Variants in CCDC38 observed in about 807,000 individuals in gnomAD.
CCDC38 encodes the protein coiled-coil domain containing 38.
A neutral mutation model predicts 72.8 loss-of-function variants in CCDC38; 69 were observed. The ratio of observed to expected loss-of-function variants is 0.95; its 90% CI spans 0.78 to 1.16. The LOEUF is 1.16. Among genes scored for constraint, CCDC38 ranks in the 50% most tolerant of loss-of-function variants. The pLI is 0.00. For synonymous variants in CCDC38, 201 were observed against 213.2 expected (o/e 0.94, Z 0.50); for missense variants, 626 against 638.9 (o/e 0.98, Z 0.22).
At chr12:95,927,227 T>C (rs906003143) in intron 2 of CCDC38, among the ~76,000 whole-genome samples, 2 of 149,556 alleles carry the variant, frequency 1.3e-5, no homozygotes, top group African/African-American at 4.9e-5. Context: ...TGGGTGCTCC[T>C]GTATTGGGTG....
At chr12:95,937,687 A>G (rs1404481566) in intron 1 of CCDC38, among the ~76,000 whole-genome samples, 1 of 152,182 alleles carries the variant, frequency 6.6e-6, no homozygotes, top group East Asian at 1.9e-4. Context: ...ATATCCCGGA[A>G]GCAGAGCAGC....
chr12:95,873,515 C>G (rs2079603883), intron 13 of CCDC38, among the ~76,000 whole-genome samples: 1 of 152,194 alleles, frequency 6.6e-6, no homozygotes, highest in Non-Finnish European at 1.5e-5. Flanking sequence ...TGCCGTTTAA[C>G]TGTTGGTGGA....
At chr12:95,915,412 G>T (rs958146444) in intron 4 of CCDC38, among the ~76,000 whole-genome samples, 15 of 152,144 alleles carry the variant, frequency 9.9e-5, no homozygotes, top group African/African-American at 3.4e-4. Flanking sequence ...CCAGAGTCAG[G>T]CTGCTCGCTG....
chr12:95,892,656 G>A (rs991293760), intron 8 of CCDC38, among the ~76,000 whole-genome samples: 13 of 145,910 alleles, frequency 8.9e-5, no homozygotes, highest in Admixed American at 7.7e-4. Context: ...TGCAACCTCC[G>A]CCTCCCAGGT....
At chr12:95,870,239 C>A (rs1463508429) in intron 14 of CCDC38, among the ~76,000 whole-genome samples, 1 of 152,132 alleles carries the variant, frequency 6.6e-6, no homozygotes, top group Non-Finnish European at 1.5e-5. Context: ...CAAAAGTGTA[C>A]CTTCCAGTTA....
At position 95,907,485 on chromosome 12, in the gene CCDC38, G is replaced by C. The variant is rs1205197598; in HGVS notation, c.305-1034C>G. On this transcript the variant is annotated intron_variant, in intron 4 of 15. Coordinates refer to ENST00000344280, the MANE Select transcript of CCDC38 (RefSeq NM_182496.3). ...CCCCACCTCCCTCCCGGATGGGGCGGCTGGCCGGGCAGAGGGGCTCCTCAC... is the reference window on the plus strand; with the variant it reads ...CCCCACCTCCCTCCCGGATGGGGCGCCTGGCCGGGCAGAGGGGCTCCTCAC... 1.4e-3 allele frequency among the ~76,000 whole-genome samples: 162 copies of C among 115,538 alleles called. 11 individuals carry two copies. The highest frequency in any genetic ancestry group is 1.9e-3 in the Non-Finnish European group (110 of 57,626). 75.8% of individuals were successfully genotyped at this position (115,538 alleles called of 152,430 possible).
intron 13 of CCDC38, among the ~76,000 whole-genome samples, chr12:95,873,643 G>A (rs1201082221): frequency 6.6e-6 from 1 of 152,188 alleles, no homozygotes; most frequent in African/African-American, 2.4e-5. Flanking sequence ...TGGGCAATGT[G>A]AATCACTCTT....
intron 2 of CCDC38, among the ~76,000 whole-genome samples, chr12:95,922,128 G>C (rs902408940): frequency 2.0e-5 from 3 of 152,108 alleles, no homozygotes; most frequent in African/African-American, 7.2e-5. Context: ...TGGGATTATA[G>C]AAACTCCAAA....
intron 2 of CCDC38, among the ~76,000 whole-genome samples, chr12:95,922,963 T>A (rs2136726555): frequency 6.6e-6 from 1 of 152,290 alleles, no homozygotes; most frequent in Admixed American, 6.5e-5. Context: ...GAGATTAGCA[T>A]TTGAATTGGT....
Position 95,917,186 on chromosome 12 carries a change from C to G in CCDC38, c.247G>C (p.Gly83Arg). 1 of 1,607,060 alleles carries G rather than the reference C, an allele frequency of 6.2e-7. No individual in the cohort carries two copies. The highest frequency in any genetic ancestry group is 8.5e-7 in the Non-Finnish European group (1 of 1,178,552). ...GGCCCAAACTTTTCAAATGACCTAC[C>G]ACTCCTTTTAGGGTAGAAAGCTAGT... ...SQLAFYPKRS[G>R]RSFEKFGPGP... The change falls in exon 4 of 16, where the codon GGT (glycine) becomes CGT (arginine). Residue 83 changes from glycine to arginine, a missense_variant. By Grantham distance (125) the Gly-to-Arg change is moderately radical. Coordinates refer to ENST00000344280, the MANE Select transcript of CCDC38 (RefSeq NM_182496.3).
At chr12:95,900,748 C>T (rs1314484625) in intron 5 of CCDC38, among the ~76,000 whole-genome samples, 2 of 152,078 alleles carry the variant, frequency 1.3e-5, no homozygotes, top group Admixed American at 1.3e-4. Flanking sequence ...GGTGGTCTGT[C>T]ATGTTGTTAT....
intron 8 of CCDC38, among the ~76,000 whole-genome samples, chr12:95,892,758 ACGGGGTTTCACCATGTTGGT>A (rs2079842788): frequency 4.0e-5 from 6 of 151,202 alleles, no homozygotes. Flanking sequence ...TTTAGTAGAG[ACGGGGTTTCACCATGTTGGT>A]CAGGCTGGTC....
chr12:95,923,764 T>G (rs1246702662), intron 2 of CCDC38, among the ~76,000 whole-genome samples: 1 of 151,386 alleles, frequency 6.6e-6, no homozygotes, highest in Non-Finnish European at 1.5e-5. Flanking sequence ...CATTGTTCAA[T>G]TCCCACCTAT....
In CCDC38 at chr12:95,878,291, C is replaced by G. The variant is rs2121423938; in HGVS notation, c.1198G>C (p.Val400Leu). The G allele has an allele frequency of 6.2e-7, 1 of 1,613,670 alleles. No homozygotes were observed. Among genetic ancestry groups the G allele is most frequent in the South Asian group, 1.1e-5 (1 of 91,068 alleles). Residue 400 changes from valine (V) to leucine (L), a missense_variant, in exon 13 of 16, where the codon GTG becomes CTG. Coordinates refer to ENST00000344280, the MANE Select transcript of CCDC38 (RefSeq NM_182496.3). ...EQEKMLKANC[V>L]REEEKAAELQ... The stretch of plus-strand genomic sequence containing the variant: ...TCTGCTGCTTTCTCTTCTTCTCTCA[C>G]ACAGTTAGCTTTAAGCATTTTTTCT...
In CCDC38 at chr12:95,906,390, G is replaced by A. The variant is rs140518254; in HGVS notation, c.366C>T (p.Leu122=). 49 of 1,608,718 alleles carry A rather than the reference G, an allele frequency of 3.0e-5. No individual in the cohort carries two copies. The highest frequency in any genetic ancestry group is 6.7e-5 in the African/African-American group (5 of 74,732). Residue 122 remains leucine (L), a synonymous_variant, in exon 5 of 16, where the codon CTC becomes CTT. Coordinates refer to ENST00000344280, the MANE Select transcript of CCDC38 (RefSeq NM_182496.3). ...GGAGAAAAGTTATTTTTACTACCTCGAGCAGAAACCTGTCTCTCTGGTCAT... is the reference window on the plus strand; with the variant it reads ...GGAGAAAAGTTATTTTTACTACCTCAAGCAGAAACCTGTCTCTCTGGTCAT... ...FINDQRDRFL[L]EYALSTKRNT... is the part of the protein sequence containing the mutation.
chr12:95,895,707 C>T (rs577888455), intron 7 of CCDC38, among the ~76,000 whole-genome samples: 3 of 134,988 alleles, frequency 2.2e-5, no homozygotes, highest in Admixed American at 8.3e-5. Context: ...GGGCCGAGAT[C>T]GTGCCATTGC....
intron 2 of CCDC38, among the ~76,000 whole-genome samples, chr12:95,920,861 G>A (rs1480596691): frequency 2.0e-5 from 3 of 151,356 alleles, no homozygotes; most frequent in African/African-American, 7.3e-5. Context: ...CGGGCGCAGT[G>A]GTCACACGTA....
intron 5 of CCDC38, among the ~76,000 whole-genome samples, chr12:95,904,610 C>T (rs1007827519): frequency 3.3e-5 from 5 of 152,206 alleles, no homozygotes; most frequent in African/African-American, 4.8e-5. Flanking sequence ...CATGTGACAA[C>T]GCACAGAGAA....
At chr12:95,906,298 A>G in intron 5 of CCDC38, 89 bp downstream of exon 5, 1 of 947,558 alleles carries the variant, frequency 1.1e-6, no homozygotes, top group Admixed American at 2.1e-5. Context: ...GGGACATGTA[A>G]TAGACAAGCA....
Sources: allele counts gnomAD v4.1 joint callset (sites outside exome capture counted in the v4.1 genomes callset), GRCh38; gene constraint gnomAD v4.1.1; transcripts MANE v1.5; gene names NCBI Gene and HGNC (gene_info 2026-07-23, HGNC 2026-07-21).